The following BBS9 variants were observed in gnomAD, a reference collection of about 807,000 sequenced individuals.
The protein encoded by BBS9 is protein PTHB1.
Under a neutral mutation model 117.7 loss-of-function variants are expected in BBS9, and 89 were observed. That is an observed-to-expected ratio of 0.76 (90% CI 0.64 to 0.90). BBS9 has a LOEUF of 0.90. Among genes scored for constraint, BBS9 ranks in the 40% least tolerant of loss-of-function variants. The probability of loss-of-function intolerance (pLI) is 0.00; values close to 1 mark genes in which losing one functional copy is unlikely to be tolerated. For missense variants in BBS9, 982 were observed against 1,042.2 expected (o/e 0.94, Z 0.80); for synonymous variants, 379 against 370.9 (o/e 1.02, Z -0.25).
intron 21 of BBS9, among the ~76,000 whole-genome samples, chr7:33,619,763 A>T (rs1468806664): frequency 6.6e-6 from 1 of 152,180 alleles, no homozygotes; most frequent in Non-Finnish European, 1.5e-5. Flanking sequence ...TGGGTCAAAG[A>T]AGAAATCAAA....
chr7:33,370,237 C>T (rs984733309), intron 17 of BBS9, among the ~76,000 whole-genome samples: 2 of 151,696 alleles, frequency 1.3e-5, no homozygotes, highest in East Asian at 1.9e-4. Flanking sequence ...GTGGGAGGAT[C>T]GCTTAAGCCT....
At chr7:33,514,243 C>T (rs762727152) in intron 20 of BBS9, among the ~76,000 whole-genome samples, 4 of 152,080 alleles carry the variant, frequency 2.6e-5, no homozygotes, top group African/African-American at 4.8e-5. Context: ...TAGACTATTC[C>T]CCAAGGACTG....
chr7:33,409,224 G>C (rs62451188), intron 19 of BBS9, among the ~76,000 whole-genome samples: 1 of 152,114 alleles, frequency 6.6e-6, no homozygotes, highest in East Asian at 1.9e-4. Context: ...GCATAAATTC[G>C]TTGCCACAGC....
chr7:33,590,100 A>C (rs1280995382), intron 21 of BBS9, among the ~76,000 whole-genome samples: 1 of 152,136 alleles, frequency 6.6e-6, no homozygotes, highest in Non-Finnish European at 1.5e-5. Flanking sequence ...CTCACAGATC[A>C]AGTCAGCTGA....
chr7:33,514,781 A>G (rs1281344711), intron 20 of BBS9, among the ~76,000 whole-genome samples: 1 of 152,140 alleles, frequency 6.6e-6, no homozygotes. Context: ...CTTCACTATC[A>G]TTTCAGATTC....
At chr7:33,370,835 G>GT (rs1298495908) in intron 17 of BBS9, among the ~76,000 whole-genome samples, 1 of 151,946 alleles carries the variant, frequency 6.6e-6, no homozygotes, top group Non-Finnish European at 1.5e-5. Flanking sequence ...CTCTGGTTCT[G>GT]TTTTTATCTT....
intron 19 of BBS9, among the ~76,000 whole-genome samples, chr7:33,394,513 C>T (rs914491551): frequency 1.3e-5 from 2 of 152,052 alleles, no homozygotes; most frequent in Admixed American, 6.6e-5. Context: ...ACAAGTTTAC[C>T]TATGTAACAA....
intron 19 of BBS9, among the ~76,000 whole-genome samples, chr7:33,427,075 C>T (rs1254255096): frequency 6.6e-6 from 1 of 152,118 alleles, no homozygotes; most frequent in Non-Finnish European, 1.5e-5. Context: ...GGTTCTTCTC[C>T]TGTAACACAA....
chr7:33,437,682 T>G (rs1436642084), intron 19 of BBS9, among the ~76,000 whole-genome samples: 1 of 152,110 alleles, frequency 6.6e-6, no homozygotes, highest in Non-Finnish European at 1.5e-5. Flanking sequence ...GAGACCAGCC[T>G]GGCCAACATG....
chr7:33,408,703 T>C lies in BBS9; in HGVS notation c.2115+20559T>C, dbSNP rs879379047. Among the ~76,000 whole-genome samples the C allele has an allele frequency of 2.0e-4, 31 of 152,128 alleles. 1 individual carries two copies. Among genetic ancestry groups the C allele is most frequent in the African/African-American group, 6.5e-4 (27 of 41,434 alleles). On this transcript the variant is annotated intron_variant, in intron 19 of 22. Coordinates refer to ENST00000242067, the MANE Select transcript of BBS9 (RefSeq NM_198428.3). ...GTGCATGTCTTTTTGGTAGAACAAT[T>C]TATTTTCCTTTGGGTCTGTACTCTG...
At chr7:33,430,999 G>A (rs1834359388) in intron 19 of BBS9, among the ~76,000 whole-genome samples, 1 of 151,472 alleles carries the variant, frequency 6.6e-6, no homozygotes, top group African/African-American at 2.4e-5. Context: ...GACTAACCTG[G>A]GCAGCATGGT....
At chr7:33,449,703 A>G (rs1262060977) in intron 19 of BBS9, among the ~76,000 whole-genome samples, 1 of 152,242 alleles carries the variant, frequency 6.6e-6, no homozygotes, top group Non-Finnish European at 1.5e-5. Context: ...ACCTGGAAAC[A>G]AAACATTTAA....
At chr7:33,281,991 A>G in intron 9 of BBS9, among the ~76,000 whole-genome samples, 1 of 151,366 alleles carries the variant, frequency 6.6e-6, no homozygotes, top group East Asian at 2.0e-4. Flanking sequence ...ATTAAAAAAA[A>G]ATTTGTAGAG....
intron 1 of BBS9, among the ~76,000 whole-genome samples, chr7:33,140,766 G>A (rs984592691): frequency 4.6e-5 from 7 of 152,072 alleles, no homozygotes; most frequent in African/African-American, 1.7e-4. Flanking sequence ...CAATTTGTAT[G>A]GTTATATAAT....
chr7:33,129,326 G>A (rs1789222293), upstream of BBS9: 2 of 542,572 alleles, frequency 3.7e-6, no homozygotes, highest in Admixed American at 3.4e-5. Flanking sequence ...CAGGAGGAGG[G>A]TCTTCCTTAA....
intron 2 of BBS9, among the ~76,000 whole-genome samples, chr7:33,147,469 C>A (rs1490926536): frequency 6.6e-6 from 1 of 152,038 alleles, no homozygotes; most frequent in Non-Finnish European, 1.5e-5. Context: ...CACAGAGCAC[C>A]TACTAAGTTG....
intron 21 of BBS9, among the ~76,000 whole-genome samples, chr7:33,536,169 G>A (rs1482663574): frequency 1.3e-5 from 2 of 152,170 alleles, no homozygotes; most frequent in Non-Finnish European, 2.9e-5. Context: ...TCAGATTTAT[G>A]CCTGGCCTGG....
intron 18 of BBS9, among the ~76,000 whole-genome samples, chr7:33,386,737 G>T (rs528004035): frequency 4.0e-4 from 61 of 151,660 alleles, no homozygotes; most frequent in Non-Finnish European, 7.4e-4. Context: ...CTCGTGATCC[G>T]CCCGCCTCGG....
chr7:33,319,441 T>A (rs1030153651), intron 9 of BBS9, among the ~76,000 whole-genome samples: 3 of 152,208 alleles, frequency 2.0e-5, no homozygotes, highest in Non-Finnish European at 4.4e-5. Context: ...AAATGGTAGT[T>A]CTACTTTAAG....
Sources: allele counts gnomAD v4.1 joint callset (sites outside exome capture counted in the v4.1 genomes callset), GRCh38; gene constraint gnomAD v4.1.1; transcripts MANE v1.5; gene names NCBI Gene and HGNC (gene_info 2026-07-23, HGNC 2026-07-21).